Variants in PCDHA8 observed in about 807,000 individuals in gnomAD.
PCDHA8 encodes protocadherin alpha 8, also known as protocadherin alpha-8.
PCDHA8 carries 53 observed loss-of-function variants against 61.8 expected under a neutral mutation model. The observed-to-expected ratio is 0.86, with a 90% confidence interval of 0.69 to 1.08. PCDHA8 has a LOEUF of 1.08. PCDHA8 is among the 50% of genes least tolerant of loss of function. PCDHA8 has a pLI of 0.00. For synonymous variants in PCDHA8, 618 were observed against 556.6 expected (o/e 1.11, Z -1.55); for missense variants, 1,293 against 1,245.0 (o/e 1.04, Z -0.58).
At chr5:140,874,144 T>C (rs1554167057) in intron 1 of PCDHA8, among the ~76,000 whole-genome samples, 2 of 152,244 alleles carry the variant, frequency 1.3e-5, no homozygotes. Context: ...CTTATACTTG[T>C]AGAGCCATTC....
intron 1 of PCDHA8, chr5:140,875,490 A>G: frequency 6.2e-7 from 1 of 1,612,864 alleles, no homozygotes; most frequent in Non-Finnish European, 8.5e-7. Context: ...TTATCGGACC[A>G]AGAGGCCCGG....
intron 1 of PCDHA8, chr5:140,857,675 C>A: frequency 1.3e-6 from 2 of 1,597,044 alleles, no homozygotes; most frequent in Non-Finnish European, 1.7e-6. Context: ...GGGCGTGCCG[C>A]CTCTGGGCAG....
At chr5:140,909,560 C>A (rs2074577216) in intron 1 of PCDHA8, among the ~76,000 whole-genome samples, 1 of 152,284 alleles carries the variant, frequency 6.6e-6, no homozygotes, top group Middle Eastern at 3.4e-3. Flanking sequence ...ATCTCTGCAA[C>A]CCATCCAGAG....
At chr5:140,984,547 C>T (rs1554246370) in intron 3 of PCDHA8, among the ~76,000 whole-genome samples, 2 of 152,118 alleles carry the variant, frequency 1.3e-5, no homozygotes, top group Non-Finnish European at 2.9e-5. Context: ...CTGGATAGAG[C>T]TTACATCTTC....
chr5:140,884,048 G>A (rs2059957630), intron 1 of PCDHA8: 1 of 1,613,500 alleles, frequency 6.2e-7, no homozygotes, highest in African/African-American at 1.3e-5. Flanking sequence ...GGTGGCGAAG[G>A]TGCGCGCGGT....
At chr5:140,943,500 G>C (rs907493905) in intron 1 of PCDHA8, among the ~76,000 whole-genome samples, 1 of 152,048 alleles carries the variant, frequency 6.6e-6, no homozygotes, top group Admixed American at 6.6e-5. Context: ...TGCTATCAAG[G>C]TTCATGGAAA....
At chr5:140,857,029 A>C in intron 1 of PCDHA8, 1 of 1,596,504 alleles carries the variant, frequency 6.3e-7, no homozygotes, top group South Asian at 1.1e-5. Flanking sequence ...AGGGAAACCC[A>C]CCTATGGTTG....
intron 1 of PCDHA8, chr5:140,851,484 A>G: frequency 2.2e-6 from 2 of 889,574 alleles, no homozygotes; most frequent in Non-Finnish European, 2.7e-6. Context: ...TTATAAACAC[A>G]GCCTTCATTT....
chr5:140,894,987 T>A lies in PCDHA8; in HGVS notation c.2394+51272T>A, dbSNP rs564159529. On this transcript the variant is annotated intron_variant, in intron 1 of 3. Transcript: ENST00000531613. ...TTTTTTAATGTCTTACTTTGTGACA[T>A]CCTTTACCCTTTTTACTTGGACCTT... 3.3e-5 allele frequency among the ~76,000 whole-genome samples: 5 copies of A among 152,318 alleles called. No individual in the cohort carries two copies. In the East Asian group the frequency reaches 9.6e-4, roughly 29 times the overall value.
chr5:140,919,649 T>G (rs1252944920), intron 1 of PCDHA8, among the ~76,000 whole-genome samples: 1 of 152,202 alleles, frequency 6.6e-6, no homozygotes, highest in Non-Finnish European at 1.5e-5. Flanking sequence ...TTCTCTAGAG[T>G]TTACCATATA....
chr5:140,858,511 GTA>G (rs1554151718), intron 1 of PCDHA8: 1 of 1,433,712 alleles, frequency 7.0e-7, no homozygotes, highest in Admixed American at 2.0e-5. Flanking sequence ...TCTCAAATAT[GTA>G]TCAGAATATT....
intron 1 of PCDHA8, among the ~76,000 whole-genome samples, chr5:140,897,060 A>G (rs2153455161): frequency 6.6e-6 from 1 of 152,068 alleles, no homozygotes; most frequent in East Asian, 1.9e-4. Flanking sequence ...GTCAAATACT[A>G]TGTCTTATTC....
chr5:140,864,323 T>C (rs2048419778), intron 1 of PCDHA8: 1 of 152,230 alleles, frequency 6.6e-6, no homozygotes, highest in Admixed American at 6.5e-5. Flanking sequence ...TTTAATATCA[T>C]AATTATTTGA....
In PCDHA8 at chr5:140,856,841, G is replaced by C. The variant is rs781868199; in HGVS notation, c.2394+13126G>C. The C allele has an allele frequency of 2.2e-5, 35 of 1,592,304 alleles. 4 individuals are homozygous for C. The Middle Eastern group carries it at 5.0e-4, about 23-fold the overall frequency. ...CCAAACATTAGTAATACGGCTCAAC[G>C]CTTCTGATTCGGATGAAGGAATAAA... On this transcript the variant is annotated intron_variant, in intron 1 of 3. Coordinates refer to ENST00000531613, the MANE Select transcript of PCDHA8 (RefSeq NM_018911.3).
In PCDHA8 at chr5:140,857,548, G is replaced by C. The variant is rs782667639; in HGVS notation, c.2394+13833G>C. Reference sequence around the variant, plus strand: ...CTCTGGTGGAGCGGCGGTTGGGCGAGCGCTCGCTGTCGAGCTACGTGTCGG... The same window carrying C: ...CTCTGGTGGAGCGGCGGTTGGGCGACCGCTCGCTGTCGAGCTACGTGTCGG... On this transcript the variant is annotated intron_variant, in intron 1 of 3. Coordinates refer to ENST00000531613, the MANE Select transcript of PCDHA8 (RefSeq NM_018911.3). The C allele has an allele frequency of 5.1e-5, 81 of 1,596,888 alleles. 3 individuals are homozygous for C. In the Middle Eastern group the frequency reaches 9.5e-4, roughly 19 times the overall value.
At chr5:140,914,606 C>A (rs1212372337) in intron 1 of PCDHA8, among the ~76,000 whole-genome samples, 2 of 152,072 alleles carry the variant, frequency 1.3e-5, no homozygotes, top group Admixed American at 6.5e-5. Context: ...CTTCCTCCTG[C>A]CATTTTGTAA....
At chr5:141,009,482 C>T in intron 3 of PCDHA8, 145 bp from the exon 4 acceptor site, 1 of 1,446,086 alleles carries the variant, frequency 6.9e-7, no homozygotes, top group Non-Finnish European at 9.1e-7. Flanking sequence ...TAAACACTTG[C>T]CTTGCCCTCA....
chr5:140,928,801 G>C, intron 1 of PCDHA8: 1 of 1,614,184 alleles, frequency 6.2e-7, no homozygotes, highest in Non-Finnish European at 8.5e-7. Context: ...GGTGGTGGTA[G>C]TGGTTCGGGA....
At chr5:140,990,737 C>T (rs2097410697) in intron 3 of PCDHA8, among the ~76,000 whole-genome samples, 1 of 152,162 alleles carries the variant, frequency 6.6e-6, no homozygotes, top group African/African-American at 2.4e-5. Context: ...ATCAACAGCC[C>T]TAGGGTGGAT....
Sources: allele counts gnomAD v4.1 joint callset (sites outside exome capture counted in the v4.1 genomes callset), GRCh38; gene constraint gnomAD v4.1.1; transcripts MANE v1.5; gene names NCBI Gene and HGNC (gene_info 2026-07-23, HGNC 2026-07-21).